The following KLHL31 variants were observed in gnomAD, a reference collection of about 807,000 sequenced individuals.
The protein encoded by KLHL31 is kelch like family member 31.
KLHL31 carries 32 observed loss-of-function variants against 47.1 expected under a neutral mutation model. The observed-to-expected ratio is 0.68, with a 90% confidence interval of 0.51 to 0.91. The LOEUF (loss-of-function observed/expected upper bound fraction) is 0.91. Ranked by LOEUF, KLHL31 falls within the 40% of genes least tolerant of loss-of-function variation. KLHL31 has a pLI of 0.00. For synonymous variants in KLHL31, 330 were observed against 325.1 expected, an observed-to-expected ratio of 1.01 and a Z score of -0.16; for missense variants, 797 against 819.3, an observed-to-expected ratio of 0.97 and a Z score of 0.33.
chr6:53,663,936 A>G (rs1581792678), intron 1 of KLHL31, among the ~76,000 whole-genome samples: 1 of 152,348 alleles, frequency 6.6e-6, no homozygotes, highest in Non-Finnish European at 1.5e-5. Context: ...CTGTCAAACA[A>G]GGAGATGCAT....
intron 1 of KLHL31, among the ~76,000 whole-genome samples, chr6:53,660,290 C>T (rs540026462): frequency 5.3e-4 from 80 of 152,164 alleles, no homozygotes; most frequent in African/African-American, 1.9e-3. Flanking sequence ...GTGTAATGTT[C>T]TATAAATATC....
At chr6:53,662,165 T>C (rs1764655631) in intron 1 of KLHL31, among the ~76,000 whole-genome samples, 2 of 152,156 alleles carry the variant, frequency 1.3e-5, no homozygotes, top group Admixed American at 1.3e-4. Context: ...CATGCATCTT[T>C]GTTAAGCTGC....
intron 1 of KLHL31, among the ~76,000 whole-genome samples, chr6:53,657,623 T>TGTGC (rs755712895): frequency 1.4e-4 from 20 of 147,900 alleles, no homozygotes; most frequent in Non-Finnish European, 2.7e-4. Context: ...TGTGTGTGTG[T>TGTGC]GTGTGTGTGT....
At chr6:53,658,210 A>G (rs2127369673) in intron 1 of KLHL31, among the ~76,000 whole-genome samples, 1 of 152,280 alleles carries the variant, frequency 6.6e-6, no homozygotes, top group African/African-American at 2.4e-5. Context: ...ATAAGGAGCT[A>G]GGTTAGCACA....
At position 53,653,774 on chromosome 6, in the gene KLHL31, A is replaced by G. The variant is rs542659598; in HGVS notation, c.1172+327T>C. Reference sequence around the variant, plus strand: ...TATCAAAAGTCAGTGTATTGTGAAGAGTACCCAACTAGAAGTGAGTAAATG... The same window carrying G: ...TATCAAAAGTCAGTGTATTGTGAAGGGTACCCAACTAGAAGTGAGTAAATG... On this transcript the variant is annotated intron_variant, in intron 2 of 2. Coordinates refer to ENST00000370905, the MANE Select transcript of KLHL31 (RefSeq NM_001003760.5). Among the ~76,000 whole-genome samples the G allele has an allele frequency of 2.6e-4, 40 of 152,332 alleles. 1 individual carries two copies. Among genetic ancestry groups the G allele is most frequent in the African/African-American group, 9.1e-4 (38 of 41,560 alleles).
Position 53,655,263 on chromosome 6 carries a change from T to A in KLHL31, c.10A>T (p.Lys4Ter). 1 of 1,561,856 alleles carries A rather than the reference T, an allele frequency of 6.4e-7. No individual in the cohort carries two copies. Among genetic ancestry groups the A allele is most frequent in the East Asian group, 2.3e-5 (1 of 44,382 alleles). MAP[K>*]KKIVKKNKGD... ...TTGTTCTTTTTGACAATCTTCTTTTTGGGTGCCATGTTGGCAAATACACTG... is the reference window on the plus strand; with the variant it reads ...TTGTTCTTTTTGACAATCTTCTTTTAGGGTGCCATGTTGGCAAATACACTG... The change falls in exon 2 of 3, where the codon AAA (lysine) becomes TAA (stop). Residue 4 changes from lysine (K) to a stop codon, truncating the protein, a stop_gained. Transcript: ENST00000370905. LOFTEE classifies it high-confidence loss of function.
intron 1 of KLHL31, among the ~76,000 whole-genome samples, chr6:53,661,027 T>C (rs1215577980): frequency 7.2e-5 from 11 of 152,176 alleles, no homozygotes; most frequent in Non-Finnish European, 1.5e-4. Context: ...CTGCTGCAGA[T>C]CCTTCAGAGG....
chr6:53,663,237 T>C (rs1764672980), intron 1 of KLHL31, among the ~76,000 whole-genome samples: 1 of 152,204 alleles, frequency 6.6e-6, no homozygotes, highest in South Asian at 2.1e-4. Context: ...TTTTCTAACA[T>C]GGGAAGATAG....
In KLHL31 at chr6:53,650,197, A is replaced by C. The variant is rs1485769081; in HGVS notation, c.*1401T>G. ...TTCAAAATCCAATTGCACATAACCC[A>C]TAATTGATAGGCCACTTCCTCTCCA... is the stretch of plus-strand genomic sequence containing the variant. On this transcript the variant is annotated 3_prime_UTR_variant, in exon 3 of 3. Transcript: ENST00000370905. 1 of 152,230 alleles carries C rather than the reference A, an allele frequency of 6.6e-6. No individual in the cohort carries two copies. The highest frequency in any genetic ancestry group is 1.5e-5 in the Non-Finnish European group (1 of 68,030). 9.4% of individuals were successfully genotyped at this position (152,230 alleles called of 1,614,324 possible).
rs935496905 is a variant in KLHL31, at chr6:53,650,629, C to T, written c.*969G>A. The stretch of plus-strand genomic sequence containing the variant: ...TTATTGGTTGTGTAAACTTCAAGCT[C>T]TCTAAGCTTAAGGCTAATGGTCCTT... On this transcript the variant is annotated 3_prime_UTR_variant, in exon 3 of 3. Coordinates refer to ENST00000370905, the MANE Select transcript of KLHL31 (RefSeq NM_001003760.5). 4 of 152,184 alleles carry T rather than the reference C, an allele frequency of 2.6e-5. No individual in the cohort carries two copies. Among genetic ancestry groups the T allele is most frequent in the African/African-American group, 9.6e-5 (4 of 41,454 alleles). The allele number at this position is 152,184 out of a possible 1,614,324, so 9.4% of individuals were successfully genotyped here. A position where few individuals can be genotyped will look rare whatever the true frequency, so the allele number is the denominator to read the frequency against.
In KLHL31 at chr6:53,654,557, T is replaced by A. The variant is rs1764526830; in HGVS notation, c.716A>T (p.Lys239Ile). The A allele has an allele frequency of 6.2e-7, 1 of 1,614,084 alleles. No homozygotes were observed. The highest frequency in any genetic ancestry group is 1.1e-5 in the South Asian group (1 of 91,088). ...TCTCTTTTGGTCAAATTCTAACCAT[T>A]TCATTGCAATCTGGAATGCTACTAT... The part of the protein sequence containing the change: ...SEIVAFQIAM[K>I]WLEFDQKRVK... The change falls in exon 2 of 3, where the codon AAA becomes ATA. Residue 239 changes from lysine to isoleucine, a missense_variant. Coordinates refer to ENST00000370905, the MANE Select transcript of KLHL31 (RefSeq NM_001003760.5).
At chr6:53,662,425 A>G (rs1764660832) in intron 1 of KLHL31, among the ~76,000 whole-genome samples, 1 of 152,190 alleles carries the variant, frequency 6.6e-6, no homozygotes, top group Non-Finnish European at 1.5e-5. Flanking sequence ...ATGAACAGCT[A>G]TTTGGAAGCA....
At chr6:53,653,965 G>A (rs1191939618) in intron 2 of KLHL31, 136 bp downstream of exon 2, 20 of 671,696 alleles carry the variant, frequency 3.0e-5, no homozygotes, top group Non-Finnish European at 4.9e-5. Flanking sequence ...CTGAACATAC[G>A]TAAGGTGGCA....
At chr6:53,658,733 G>A (rs940351817) in intron 1 of KLHL31, among the ~76,000 whole-genome samples, 8 of 152,064 alleles carry the variant, frequency 5.3e-5, no homozygotes, top group African/African-American at 1.9e-4. Flanking sequence ...ATAACAATAA[G>A]CTATCTAGGA....
At chr6:53,659,380 C>A (rs974338254) in intron 1 of KLHL31, among the ~76,000 whole-genome samples, 22 of 152,160 alleles carry the variant, frequency 1.4e-4, no homozygotes, top group African/African-American at 3.6e-4. Context: ...GTAGGGCTAA[C>A]CCCGAAAGTT....
At chr6:53,655,331 G>C in intron 1 of KLHL31, 26 bp from the exon 2 acceptor site, 1 of 1,208,108 alleles carries the variant, frequency 8.3e-7, no homozygotes, top group Non-Finnish European at 1.1e-6. Context: ...AAAAAACATG[G>C]TTTTGTTTTA....
chr6:53,657,608 TTTTG>T (rs1764581290), intron 1 of KLHL31, among the ~76,000 whole-genome samples: 1 of 96,330 alleles, frequency 1.0e-5, no homozygotes, highest in Admixed American at 1.3e-4. Flanking sequence ...TTTGTTTTTG[TTTTG>T]TGTGTGTGTG....
chr6:53,653,402 C>T (rs1356377073), intron 2 of KLHL31, among the ~76,000 whole-genome samples: 1 of 152,176 alleles, frequency 6.6e-6, no homozygotes, highest in Non-Finnish European at 1.5e-5. Context: ...TGACTTTGTA[C>T]TACTACCATG....
Position 53,651,993 on chromosome 6 carries a change from C to A in KLHL31, c.1510G>T (p.Gly504Cys). The A allele has an allele frequency of 6.3e-7, 1 of 1,592,738 alleles. No homozygotes were observed. The highest frequency in any genetic ancestry group is 8.5e-7 in the Non-Finnish European group (1 of 1,175,598). Residue 504 changes from glycine (G) to cysteine (C), a missense_variant, in exon 3 of 3, where the codon GGC becomes TGC. Physicochemically the swap from Gly to Cys is radical, Grantham distance 159. Transcript: ENST00000370905. ...QELPNLSTPR[G>C]WHCAVTLSDR... ...CTCAGCGTGACCGCGCAGTGCCAGC[C>A]CCGGGGTGTGCTGAGGTTCGGCAGC...
Sources: allele counts gnomAD v4.1 joint callset (sites outside exome capture counted in the v4.1 genomes callset), GRCh38; gene constraint gnomAD v4.1.1; transcripts MANE v1.5; gene names NCBI Gene and HGNC (gene_info 2026-07-23, HGNC 2026-07-21).